Variants in PDE1C observed in about 807,000 individuals in gnomAD.
The protein encoded by PDE1C is dual specificity calcium/calmodulin-dependent 3',5'-cyclic nucleotide phosphodiesterase 1C.
Under a neutral mutation model 93.1 loss-of-function variants are expected in PDE1C, and 62 were observed. That is an observed-to-expected ratio of 0.67 (90% CI 0.54 to 0.82). The LOEUF is 0.82. Among genes scored for constraint, PDE1C ranks in the 40% least tolerant of loss-of-function variants. The pLI is 0.00. For missense variants in PDE1C, 742 were observed against 884.6 expected, an observed-to-expected ratio of 0.84 and a Z score of 2.04; for synonymous variants, 325 against 310.1, an observed-to-expected ratio of 1.05 and a Z score of -0.50.
chr7:32,157,218 C>T (rs911839781), intron 3 of PDE1C, among the ~76,000 whole-genome samples: 2 of 148,970 alleles, frequency 1.3e-5, no homozygotes. Flanking sequence ...TTCTCTTCAA[C>T]CCCCCTCCCT....
rs147155488 is a variant in PDE1C, at chr7:32,307,804, G to A, written c.311-98265C>T. On this transcript the variant is annotated intron_variant, in intron 1 of 1. Coordinates refer to the PDE1C transcript ENST00000672256. ...CCAGTCTACAACTCCCAGCATAAGC[G>A]ACACAGAAGACGGGTGATTTCTGCA... Among the ~76,000 whole-genome samples the A allele has an allele frequency of 9.0e-3, 1,370 of 152,336 alleles. 13 individuals are homozygous for A. The highest frequency in any genetic ancestry group is 0.024 in the South Asian group (114 of 4,824).
chr7:31,747,236 G>A (rs561821422), downstream of PDE1C, among the ~76,000 whole-genome samples: 168 of 152,186 alleles, frequency 1.1e-3, no homozygotes, highest in Admixed American at 2.4e-3. Flanking sequence ...ATATAGCAGT[G>A]CAATCAAAGG....
intron 2 of PDE1C, among the ~76,000 whole-genome samples, chr7:32,036,776 C>T (rs1479001023): frequency 6.6e-6 from 1 of 152,150 alleles, no homozygotes; most frequent in African/African-American, 2.4e-5. Flanking sequence ...CTGAATATCC[C>T]TATACCTATT....
At chr7:31,704,096 A>G in the PDE1C span, among the ~76,000 whole-genome samples, 1 of 152,240 alleles carries the variant, frequency 6.6e-6, no homozygotes, top group African/African-American at 2.4e-5. Context: ...GAAGCATCAA[A>G]GAGAATCCTC....
intron 1 of PDE1C, among the ~76,000 whole-genome samples, chr7:32,328,140 G>T (rs540463825): frequency 1.1e-3 from 174 of 152,204 alleles, no homozygotes; most frequent in Non-Finnish European, 2.0e-3. Context: ...TTTCCAAAAT[G>T]GTTAAATCAT....
intron 1 of PDE1C, among the ~76,000 whole-genome samples, chr7:32,218,919 A>G (rs1327234760): frequency 6.6e-6 from 1 of 152,142 alleles, no homozygotes; most frequent in East Asian, 1.9e-4. Flanking sequence ...CTCCTCACAG[A>G]GCTGTGCTGG....
At chr7:31,994,162 T>C (rs984749185) in intron 2 of PDE1C, among the ~76,000 whole-genome samples, 3 of 152,140 alleles carry the variant, frequency 2.0e-5, no homozygotes, top group African/African-American at 7.2e-5. Flanking sequence ...CAATGTGTGG[T>C]AGAAAGGGTC....
chr7:31,786,480 C>T (rs1053054035), intron 16 of PDE1C: 5 of 152,064 alleles, frequency 3.3e-5, no homozygotes, highest in Non-Finnish European at 7.4e-5. Flanking sequence ...GTGTGCTTGG[C>T]ATATAGAAGT....
At chr7:31,850,261 C>CA (rs2128800542) in intron 8 of PDE1C, among the ~76,000 whole-genome samples, 1 of 152,232 alleles carries the variant, frequency 6.6e-6, no homozygotes, top group African/African-American at 2.4e-5. Flanking sequence ...TTAATGTCAA[C>CA]AAAAACACTC....
chr7:31,740,934 T>A, the PDE1C span, among the ~76,000 whole-genome samples: 1 of 151,938 alleles, frequency 6.6e-6, no homozygotes, highest in Non-Finnish European at 1.5e-5. Context: ...CCAGGAGTGA[T>A]GGTACATGCC....
At chr7:32,186,079 G>GTTTT (rs1456318359) in intron 2 of PDE1C, among the ~76,000 whole-genome samples, 6 of 90,818 alleles carry the variant, frequency 6.6e-5, no homozygotes, top group East Asian at 5.5e-4. Context: ...TCCCTAATTT[G>GTTTT]TTTTTTTGTT....
chr7:32,057,363 A>T (rs1353806452), intron 1 of PDE1C, among the ~76,000 whole-genome samples: 1 of 152,206 alleles, frequency 6.6e-6, no homozygotes, highest in Admixed American at 6.5e-5. Context: ...GGAACTGTGG[A>T]TTACCCAAGA....
intron 2 of PDE1C, among the ~76,000 whole-genome samples, chr7:31,950,173 C>A (rs955147836): frequency 6.6e-6 from 1 of 152,172 alleles, no homozygotes; most frequent in African/African-American, 2.4e-5. Context: ...AATTAAAACT[C>A]CCATTTGAAT....
At chr7:32,175,469 T>C (rs1802922783) in intron 2 of PDE1C, among the ~76,000 whole-genome samples, 1 of 152,202 alleles carries the variant, frequency 6.6e-6, no homozygotes, top group Non-Finnish European at 1.5e-5. Flanking sequence ...AGGTAATCTT[T>C]TTGCTGGTGG....
At chr7:32,301,726 T>C (rs1812885600), upstream of PDE1C, among the ~76,000 whole-genome samples, 1 of 152,234 alleles carries the variant, frequency 6.6e-6, no homozygotes, top group Admixed American at 6.5e-5. Flanking sequence ...GGCTTTTGTT[T>C]GCTCTTTCAG....
the PDE1C span, among the ~76,000 whole-genome samples, chr7:31,665,350 C>A: frequency 6.6e-6 from 1 of 152,128 alleles, no homozygotes; most frequent in African/African-American, 2.4e-5. Flanking sequence ...TATTTTGTTT[C>A]TTTCATAGCA....
At position 32,364,715 on chromosome 7, in the gene PDE1C, C is replaced by T. The variant is rs117134303; in HGVS notation, c.310+63107G>A. Among the ~76,000 whole-genome samples, 1,344 of 152,324 alleles carry T rather than the reference C, an allele frequency of 8.8e-3. 12 individuals carry two copies. Among genetic ancestry groups the T allele is most frequent in the Middle Eastern group, 0.017 (5 of 294 alleles). On this transcript the variant is annotated intron_variant, in intron 1 of 1. Coordinates refer to the PDE1C transcript ENST00000672256. ...AAGCCACTCTGCTAGAGCACAGCAC[C>T]AACTTGAGACCACAGCCACCTCTGG... is the stretch of plus-strand genomic sequence containing the variant.
chr7:32,032,195 G>A (rs1790423518), intron 2 of PDE1C, among the ~76,000 whole-genome samples: 1 of 152,172 alleles, frequency 6.6e-6, no homozygotes. Flanking sequence ...GGGCAGAAAA[G>A]CCAGAAAAGC....
chr7:32,000,559 A>G (rs1370248859), intron 2 of PDE1C, among the ~76,000 whole-genome samples: 2 of 152,198 alleles, frequency 1.3e-5, no homozygotes, highest in Admixed American at 6.5e-5. Flanking sequence ...TGCTTCACTC[A>G]GTTCCTGAGC....
Sources: gnomAD v4.1 joint callset for allele counts (sites outside exome capture counted in the v4.1 genomes callset) on GRCh38, gnomAD v4.1.1 for gene constraint, MANE v1.5 for transcripts, NCBI Gene and HGNC (gene_info 2026-07-23, HGNC 2026-07-21) for gene names.